Variants in ALDH1A1 observed in about 807,000 individuals in gnomAD.
ALDH1A1 encodes aldehyde dehydrogenase 1 family member A1.
Under a neutral mutation model 62.1 loss-of-function variants are expected in ALDH1A1, and 19 were observed. The observed-to-expected ratio is 0.31, with a 90% CI of 0.21 to 0.45. ALDH1A1 has a LOEUF of 0.45. Ranked by LOEUF, ALDH1A1 falls within the 20% of genes least tolerant of loss-of-function variation. The pLI is 1.00. For missense variants in ALDH1A1, 521 were observed against 607.1 expected (o/e 0.86, Z 1.49); for synonymous variants, 231 against 215.9 (o/e 1.07, Z -0.61).
rs531115761 is a variant in ALDH1A1 at position 72,930,608 on chromosome 9, A to G, written c.312+271T>C. 5.9e-5 allele frequency among the ~76,000 whole-genome samples: 9 copies of G among 152,282 alleles called. No homozygotes were observed. The East Asian group carries it at 1.7e-3, about 29-fold the overall frequency. ...ACCTCTGAGAAGTTTTAAGGTAAAG[A>G]AATTTCTAAAATTTGGTTTAACTTG... On this transcript the variant is annotated intron_variant, in intron 3 of 12. Coordinates refer to ENST00000297785, the MANE Select transcript of ALDH1A1 (RefSeq NM_000689.5).
chr9:72,916,881 T>C (rs1447338035), intron 9 of ALDH1A1, 39 bp downstream of exon 9: 3 of 1,496,672 alleles, frequency 2.0e-6, no homozygotes, highest in Non-Finnish European at 2.7e-6. Flanking sequence ...ACTTTATTCC[T>C]GTGCCCTGAA....
intron 2 of ALDH1A1, among the ~76,000 whole-genome samples, chr9:72,932,921 G>A (rs907843525): frequency 1.3e-5 from 2 of 152,136 alleles, no homozygotes; most frequent in African/African-American, 2.4e-5. Flanking sequence ...AGCCAAATAT[G>A]GGCTATCATA....
chr9:72,916,963 A>G lies in ALDH1A1; in HGVS notation c.992T>C (p.Ile331Thr), dbSNP rs1017668690. The G allele has an allele frequency of 4.3e-6, 7 of 1,613,466 alleles. No homozygotes were observed. Among genetic ancestry groups the G allele is most frequent in the Non-Finnish European group, 5.9e-6 (7 of 1,179,682 alleles). ...TCCTGGGGTCAGAGGATTTCCAAGGATATACTTCTTAGCCCGCTCAACACT... is the reference window on the plus strand; with the variant it reads ...TCCTGGGGTCAGAGGATTTCCAAGGGTATACTTCTTAGCCCGCTCAACACT... ...RRSVERAKKYILGNPLTPGVT... is the reference protein window; with the variant it reads ...RRSVERAKKYTLGNPLTPGVT... The change falls in exon 9 of 13, where the codon ATC (isoleucine) becomes ACC (threonine). Residue 331 changes from isoleucine (I) to threonine (T), a missense_variant. Physicochemically the swap from Ile to Thr is moderately conservative, Grantham distance 89. Transcript: ENST00000297785.
intron 8 of ALDH1A1, 35 bp downstream of exon 8, chr9:72,918,685 A>G (rs8187954): frequency 3.2e-6 from 4 of 1,233,260 alleles, no homozygotes; most frequent in African/African-American, 1.6e-5. Context: ...AAAAACGATG[A>G]AGGACGAAAA....
chr9:72,905,246 A>G (rs1167247966), intron 12 of ALDH1A1, among the ~76,000 whole-genome samples: 2 of 152,170 alleles, frequency 1.3e-5, no homozygotes, highest in Non-Finnish European at 2.9e-5. Context: ...TGCCTAAACA[A>G]AATCAACTAA....
chr9:72,938,825 C>T (rs541804317), intron 2 of ALDH1A1, among the ~76,000 whole-genome samples: 6 of 152,024 alleles, frequency 3.9e-5, no homozygotes, highest in African/African-American at 1.2e-4. Context: ...TCACTGCAAC[C>T]TCTGACCCCC....
At chr9:72,908,601 AAGAAAGAAAGAAAGAAAGAAAGAAAG>A (rs1335050974) in intron 11 of ALDH1A1, among the ~76,000 whole-genome samples, 35 of 144,694 alleles carry the variant, frequency 2.4e-4, no homozygotes, top group Admixed American at 5.4e-4. Context: ...GAAAGAAAGA[AAGAAAGAAAGAAAGAAAGAAAGAAAG>A]AGAATATTGC....
At chr9:72,939,667 G>A (rs1830391945) in intron 2 of ALDH1A1, among the ~76,000 whole-genome samples, 1 of 151,384 alleles carries the variant, frequency 6.6e-6, no homozygotes, top group South Asian at 2.1e-4. Context: ...AGAGGCATGT[G>A]CCACCATGCC....
intron 10 of ALDH1A1, among the ~76,000 whole-genome samples, chr9:72,911,143 T>C (rs1449115089): frequency 1.3e-5 from 2 of 152,154 alleles, no homozygotes; most frequent in Middle Eastern, 3.2e-3. Context: ...TATATATGTA[T>C]ACAGACACAC....
chr9:72,925,391 A>C, intron 6 of ALDH1A1, 93 bp downstream of exon 6: 2 of 1,447,952 alleles, frequency 1.4e-6, no homozygotes, highest in Non-Finnish European at 1.9e-6. Flanking sequence ...CCATCTGTAA[A>C]TAATGTACTT....
intron 2 of ALDH1A1, among the ~76,000 whole-genome samples, chr9:72,931,371 A>G (rs1830280181): frequency 6.6e-6 from 1 of 152,208 alleles, no homozygotes; most frequent in South Asian, 2.1e-4. Flanking sequence ...TATGGCACAA[A>G]TATGTTCCCT....
chr9:72,900,860 A>G lies in ALDH1A1; in HGVS notation c.*348T>C, dbSNP rs1829793609. The G allele has an allele frequency of 5.5e-6, 1 of 182,974 alleles. No homozygotes were observed. The highest frequency in any genetic ancestry group is 1.3e-4 in the East Asian group (1 of 7,662). 11.3% of individuals were successfully genotyped at this position (182,974 alleles called of 1,614,324 possible). On this transcript the variant is annotated 3_prime_UTR_variant, in exon 13 of 13. Transcript: ENST00000297785. The stretch of plus-strand genomic sequence containing the variant: ...TATGTTAAGTACTTCAAGAGTCACT[A>G]AGGGAAAGAAGCTAAATGCAACTGT...
At chr9:72,941,380 A>G (rs1397228376) in intron 1 of ALDH1A1, among the ~76,000 whole-genome samples, 1 of 152,180 alleles carries the variant, frequency 6.6e-6, no homozygotes, top group Non-Finnish European at 1.5e-5. Context: ...TTAAAATTCT[A>G]TCAGAGTAAT....
chr9:72,927,310 C>T (rs781717545), intron 4 of ALDH1A1, 133 bp from the exon 5 acceptor site: 32 of 557,044 alleles, frequency 5.7e-5, no homozygotes, highest in African/African-American at 7.6e-5. Context: ...TGGTGGCTCA[C>T]GCCTGTAATC....
intron 2 of ALDH1A1, 112 bp downstream of exon 2, chr9:72,940,036 A>C (rs7027604): frequency 0.53 from 363,040 of 691,298 alleles, 100,113 homozygotes; most frequent in Non-Finnish European, 0.57. Context: ...GCTGCCCCAG[A>C]AACCATATTT....
At position 72,900,791 on chromosome 9, in the gene ALDH1A1, TTATAAC is replaced by T. The variant is rs1470325706; in HGVS notation, c.*411_*416del. On this transcript the variant is annotated 3_prime_UTR_variant, in exon 13 of 13. Coordinates refer to ENST00000297785, the MANE Select transcript of ALDH1A1 (RefSeq NM_000689.5). Reference sequence around the variant, plus strand: ...AACTTTTCAAAACAGTCCAAGGACTTTATAACTACTGGGAACAGAGCAATTTACTCT... The same window carrying T: ...AACTTTTCAAAACAGTCCAAGGACTTTACTGGGAACAGAGCAATTTACTCT... 2 of 154,224 alleles carry T rather than the reference TTATAAC, an allele frequency of 1.3e-5. No homozygotes were observed. The highest frequency in any genetic ancestry group is 4.8e-5 in the African/African-American group (2 of 41,484). 9.6% of individuals were successfully genotyped at this position (154,224 alleles called of 1,614,324 possible). A position where few individuals can be genotyped will look rare whatever the true frequency, so the allele number is the denominator to read the frequency against.
At chr9:72,938,197 T>C (rs1198209884) in intron 2 of ALDH1A1, among the ~76,000 whole-genome samples, 1 of 152,132 alleles carries the variant, frequency 6.6e-6, no homozygotes, top group African/African-American at 2.4e-5. Flanking sequence ...AATATTATCC[T>C]TGGGTGTTGC....
At chr9:72,908,548 G>GAAAGA (rs1829918909) in intron 11 of ALDH1A1, among the ~76,000 whole-genome samples, 2 of 29,684 alleles carry the variant, frequency 6.7e-5, no homozygotes, top group African/African-American at 2.6e-4. Context: ...AGAAAGAAAA[G>GAAAGA]AAAGAAGAAA....
intron 11 of ALDH1A1, among the ~76,000 whole-genome samples, chr9:72,909,154 G>GGTT (rs1564623273): frequency 1.1e-5 from 1 of 87,752 alleles, no homozygotes. Flanking sequence ...TTCCAATACA[G>GGTT]CTTTTTTTTT....
Sources: allele counts gnomAD v4.1 joint callset (sites outside exome capture counted in the v4.1 genomes callset), GRCh38; gene constraint gnomAD v4.1.1; transcripts MANE v1.5; gene names NCBI Gene and HGNC (gene_info 2026-07-23, HGNC 2026-07-21).